ZBTB7C: variants seen among roughly 807,000 people sequenced by gnomAD.
ZBTB7C encodes zinc finger and BTB domain containing 7C, also known as zinc finger and BTB domain-containing protein 7C.
Under a neutral mutation model 25.7 loss-of-function variants are expected in ZBTB7C, and 8 were observed. The ratio of observed to expected loss-of-function variants is 0.31; its 90% CI spans 0.18 to 0.56. ZBTB7C has a LOEUF of 0.56. ZBTB7C is among the 20% of genes least tolerant of loss of function. ZBTB7C has a pLI of 0.91. For missense variants in ZBTB7C, 824 were observed against 855.2 expected (o/e 0.96, Z 0.46); for synonymous variants, 394 against 369.0 (o/e 1.07, Z -0.78).
intron 3 of ZBTB7C, among the ~76,000 whole-genome samples, chr18:48,127,565 G>A (rs1598929593): frequency 6.6e-6 from 1 of 152,228 alleles, no homozygotes; most frequent in Admixed American, 6.5e-5. Flanking sequence ...CATCGCCTTC[G>A]ATGGCCCCCA....
chr18:48,035,614 AG>A (rs768023566), intron 4 of ZBTB7C, among the ~76,000 whole-genome samples: 8 of 152,226 alleles, frequency 5.3e-5, no homozygotes, highest in African/African-American at 1.4e-4. Flanking sequence ...TGGGGCAAAA[AG>A]GTGTGCGGGG....
intron 2 of ZBTB7C, among the ~76,000 whole-genome samples, chr18:48,242,989 T>C (rs981207360): frequency 4.0e-5 from 6 of 151,740 alleles, no homozygotes; most frequent in Non-Finnish European, 8.8e-5. Flanking sequence ...TCTGGCTGGG[T>C]GTGGTGGCTC....
At chr18:48,073,060 C>T (rs917339519) in intron 3 of ZBTB7C, among the ~76,000 whole-genome samples, 1 of 152,204 alleles carries the variant, frequency 6.6e-6, no homozygotes, top group East Asian at 1.9e-4. Context: ...TGACAGGAAC[C>T]AATGTGGAAA....
chr18:48,225,609 T>C (rs1232259215), intron 2 of ZBTB7C, among the ~76,000 whole-genome samples: 1 of 152,164 alleles, frequency 6.6e-6, no homozygotes, highest in Non-Finnish European at 1.5e-5. Flanking sequence ...CACTTGAATA[T>C]AGACTGGCCT....
At chr18:48,401,021 A>G (rs2048145359) in intron 1 of ZBTB7C, among the ~76,000 whole-genome samples, 1 of 152,172 alleles carries the variant, frequency 6.6e-6, no homozygotes, top group African/African-American at 2.4e-5. Context: ...CAGCTCCTGA[A>G]GCCACTGCAT....
intron 3 of ZBTB7C, 36 bp from the exon 4 acceptor site, chr18:48,041,159 G>A (rs2036226865): frequency 1.3e-6 from 2 of 1,541,616 alleles, no homozygotes; most frequent in Non-Finnish European, 1.7e-6. Context: ...CTGGGTTAGT[G>A]AGCGTGGCCC....
intron 2 of ZBTB7C, among the ~76,000 whole-genome samples, chr18:48,274,624 G>C (rs1372291094): frequency 6.6e-6 from 1 of 152,156 alleles, no homozygotes; most frequent in Non-Finnish European, 1.5e-5. Context: ...AGTCACACCT[G>C]ACTCATCCCC....
At chr18:48,214,029 C>T (rs1234050566) in intron 2 of ZBTB7C, among the ~76,000 whole-genome samples, 1 of 152,198 alleles carries the variant, frequency 6.6e-6, no homozygotes, top group East Asian at 1.9e-4. Flanking sequence ...TGTGCAGGCA[C>T]CACTTAGAGG....
At chr18:48,132,065 G>A (rs1190335174) in intron 3 of ZBTB7C, among the ~76,000 whole-genome samples, 4 of 152,016 alleles carry the variant, frequency 2.6e-5, no homozygotes, top group Non-Finnish European at 5.9e-5. Context: ...TGAAAACCTA[G>A]GTCCACACAA....
chr18:48,097,379 GTTGTT>G (rs2038672738), intron 3 of ZBTB7C, among the ~76,000 whole-genome samples: 1 of 73,350 alleles, frequency 1.4e-5, no homozygotes, highest in Admixed American at 1.8e-4. Flanking sequence ...TATTATTGTT[GTTGTT>G]ATTATTATTA....
intron 2 of ZBTB7C, among the ~76,000 whole-genome samples, chr18:48,187,063 G>T (rs1023676950): frequency 2.6e-5 from 4 of 152,172 alleles, no homozygotes; most frequent in African/African-American, 9.7e-5. Context: ...TGTGTCCCTG[G>T]CAGAGGATAC....
chr18:48,061,041 T>A (rs1598803151), intron 3 of ZBTB7C, among the ~76,000 whole-genome samples: 1 of 152,000 alleles, frequency 6.6e-6, no homozygotes, highest in South Asian at 2.1e-4. Context: ...GGGACAGGGG[T>A]ATGACCCTGT....
chr18:48,215,801 A>C (rs2042809836), intron 2 of ZBTB7C, among the ~76,000 whole-genome samples: 1 of 152,236 alleles, frequency 6.6e-6, no homozygotes, highest in Admixed American at 6.5e-5. Flanking sequence ...AATTTCCCCC[A>C]CAGTAGACAG....
At chr18:48,351,729 T>G (rs913584801) in intron 1 of ZBTB7C, among the ~76,000 whole-genome samples, 1 of 152,196 alleles carries the variant, frequency 6.6e-6, no homozygotes, top group Non-Finnish European at 1.5e-5. Context: ...AGGAAGCCTT[T>G]GACAGCAGTG....
intron 2 of ZBTB7C, among the ~76,000 whole-genome samples, chr18:48,209,948 T>C (rs1052151494): frequency 1.3e-5 from 2 of 152,174 alleles, no homozygotes; most frequent in Non-Finnish European, 2.9e-5. Context: ...GTCTAGACTA[T>C]TTAAAGAACT....
chr18:48,359,298 G>T (rs1046896715), intron 1 of ZBTB7C, among the ~76,000 whole-genome samples: 2 of 152,034 alleles, frequency 1.3e-5, no homozygotes, highest in East Asian at 3.9e-4. Context: ...TTTCACCCTA[G>T]GGTGAAGGAA....
intron 1 of ZBTB7C, among the ~76,000 whole-genome samples, chr18:48,406,450 G>A (rs144425586): frequency 3.9e-5 from 6 of 152,210 alleles, no homozygotes; most frequent in African/African-American, 1.4e-4. Context: ...TACTCTCCCC[G>A]TCTCTCTGCC....
At chr18:48,383,733 C>A (rs1038822862) in intron 1 of ZBTB7C, among the ~76,000 whole-genome samples, 2 of 152,248 alleles carry the variant, frequency 1.3e-5, no homozygotes, top group Non-Finnish European at 2.9e-5. Flanking sequence ...GTTGTAGAAA[C>A]AGCACACAGC....
At chr18:48,046,537 T>C (rs2036475621) in intron 3 of ZBTB7C, among the ~76,000 whole-genome samples, 2 of 152,254 alleles carry the variant, frequency 1.3e-5, no homozygotes, top group Admixed American at 6.5e-5. Context: ...TAAGGGCTTA[T>C]TCCTTTAGAG....
Sources: gnomAD v4.1 joint callset for allele counts (sites outside exome capture counted in the v4.1 genomes callset) on GRCh38, gnomAD v4.1.1 for gene constraint, MANE v1.5 for transcripts, NCBI Gene and HGNC (gene_info 2026-07-23, HGNC 2026-07-21) for gene names.